The following TBC1D19 variants were observed in gnomAD, a reference collection of about 807,000 sequenced individuals.
TBC1D19 encodes the protein TBC1 domain family, member 19.
In TBC1D19, 60 loss-of-function variants were observed where a neutral mutation model predicts 89.0. That is an observed-to-expected ratio of 0.67 (90% CI 0.55 to 0.84). TBC1D19 has a LOEUF of 0.84. Ranked by LOEUF, TBC1D19 falls within the 40% of genes least tolerant of loss-of-function variation. The pLI is 0.00. For missense variants in TBC1D19, 500 were observed against 610.8 expected (o/e 0.82, Z 1.91); for synonymous variants, 189 against 199.7 (o/e 0.95, Z 0.45).
chr4:26,741,717 T>C (rs1718389292), intron 17 of TBC1D19, among the ~76,000 whole-genome samples: 1 of 151,880 alleles, frequency 6.6e-6, no homozygotes, highest in Non-Finnish European at 1.5e-5. Context: ...TTTGGAACCA[T>C]GACAGTCTTT....
intron 13 of TBC1D19, among the ~76,000 whole-genome samples, chr4:26,703,833 C>T (rs1037185714): frequency 2.3e-4 from 35 of 151,156 alleles, no homozygotes; most frequent in African/African-American, 6.8e-4. Context: ...TGGTGGCGGG[C>T]GCCTGTAGTC....
At chr4:26,804,928 G>A in the TBC1D19 span, among the ~76,000 whole-genome samples, 2 of 152,180 alleles carry the variant, frequency 1.3e-5, no homozygotes, top group Non-Finnish European at 2.9e-5. Flanking sequence ...AGGAGCAAGC[G>A]GAACATGGCT....
At chr4:26,588,168 G>A (rs1029962616) in intron 1 of TBC1D19, among the ~76,000 whole-genome samples, 94 of 151,858 alleles carry the variant, frequency 6.2e-4, no homozygotes, top group Non-Finnish European at 1.3e-4. Context: ...TGGGACTACA[G>A]GCGCCTGCCA....
the TBC1D19 span, among the ~76,000 whole-genome samples, chr4:26,790,051 G>A: frequency 6.6e-6 from 1 of 152,092 alleles, no homozygotes; most frequent in East Asian, 1.9e-4. Flanking sequence ...GTGGAAGGAG[G>A]GTGAGGAATG....
At chr4:26,842,309 C>T in the TBC1D19 span, among the ~76,000 whole-genome samples, 88 of 149,880 alleles carry the variant, frequency 5.9e-4, no homozygotes, top group South Asian at 4.6e-3. Context: ...CTTTACATTT[C>T]CTTGTTTTCC....
intron 13 of TBC1D19, among the ~76,000 whole-genome samples, chr4:26,711,276 T>C (rs1001143735): frequency 1.3e-5 from 2 of 152,110 alleles, no homozygotes; most frequent in African/African-American, 4.8e-5. Flanking sequence ...ATTTATTAAA[T>C]AGGGAATCCT....
At chr4:26,834,711 A>T in the TBC1D19 span, among the ~76,000 whole-genome samples, 2 of 151,908 alleles carry the variant, frequency 1.3e-5, no homozygotes, top group Non-Finnish European at 2.9e-5. Flanking sequence ...TCTTCATAGG[A>T]TTCTCTCCTC....
At chr4:26,849,923 A>G in the TBC1D19 span, among the ~76,000 whole-genome samples, 1 of 152,100 alleles carries the variant, frequency 6.6e-6, no homozygotes, top group Non-Finnish European at 1.5e-5. Context: ...TTTTTTAGGG[A>G]TTGTACTTAG....
intron 15 of TBC1D19, among the ~76,000 whole-genome samples, chr4:26,725,928 A>T (rs1717282865): frequency 6.6e-6 from 1 of 152,204 alleles, no homozygotes; most frequent in Admixed American, 6.5e-5. Flanking sequence ...AGGAATAAGA[A>T]TAGAAGCAAG....
the TBC1D19 span, among the ~76,000 whole-genome samples, chr4:26,777,199 A>G: frequency 6.8e-6 from 1 of 147,146 alleles, no homozygotes; most frequent in South Asian, 2.1e-4. Flanking sequence ...CAATGGTGCA[A>G]TCTTGGCTCA....
intron 6 of TBC1D19, among the ~76,000 whole-genome samples, 172 bp from the exon 7 acceptor site, chr4:26,639,968 GA>G (rs964017899): frequency 6.6e-6 from 1 of 152,154 alleles, no homozygotes; most frequent in African/African-American, 2.4e-5. Context: ...GTTAAGGGCA[GA>G]AATTGTCTTT....
intron 18 of TBC1D19, among the ~76,000 whole-genome samples, chr4:26,743,336 A>G (rs1718476414): frequency 6.6e-6 from 1 of 152,064 alleles, no homozygotes; most frequent in Non-Finnish European, 1.5e-5. Context: ...ATAGTATAGC[A>G]TTTGTCTTCT....
At chr4:26,835,900 CTTCTT>C in the TBC1D19 span, among the ~76,000 whole-genome samples, 1 of 152,040 alleles carries the variant, frequency 6.6e-6, no homozygotes, top group East Asian at 1.9e-4. Flanking sequence ...TCCCCATTCT[CTTCTT>C]TCCTGTTCTC....
chr4:26,718,315 G>C (rs201098380), intron 14 of TBC1D19, among the ~76,000 whole-genome samples: 1 of 68,092 alleles, frequency 1.5e-5, no homozygotes, highest in African/African-American at 4.9e-5. Context: ...TTCTTTCTAA[G>C]TTTATAACAC....
chr4:26,579,742 G>A (rs944175120), upstream of TBC1D19, among the ~76,000 whole-genome samples: 3 of 149,150 alleles, frequency 2.0e-5, no homozygotes, highest in Non-Finnish European at 4.4e-5. Flanking sequence ...TCCCGCTTAT[G>A]AGTAAGAACA....
chr4:26,700,301 T>A (rs1391812177), intron 13 of TBC1D19, among the ~76,000 whole-genome samples: 2 of 152,066 alleles, frequency 1.3e-5, no homozygotes, highest in Non-Finnish European at 2.9e-5. Flanking sequence ...ACCACAGATA[T>A]CCATACCCAG....
rs184325281 is a variant in TBC1D19, at chr4:26,679,904, G to T, written c.817-3771G>T. On this transcript the variant is annotated intron_variant, in intron 11 of 20. Coordinates refer to ENST00000264866, the MANE Select transcript of TBC1D19 (RefSeq NM_018317.4). ...GGGCCAGGGTAGAATGATATCATTT[G>T]GTTGTGTCCCCATCCAAATCTCATC... is the stretch of plus-strand genomic sequence containing the variant. Among the ~76,000 whole-genome samples, 31 of 152,326 alleles carry T rather than the reference G, an allele frequency of 2.0e-4. No individual in the cohort carries two copies. The East Asian group carries it at 5.2e-3, about 26-fold the overall frequency.
At chr4:26,617,041 C>G (rs929723349) in intron 3 of TBC1D19, among the ~76,000 whole-genome samples, 12 of 152,162 alleles carry the variant, frequency 7.9e-5, no homozygotes, top group Non-Finnish European at 1.8e-4. Context: ...TTTAGTTTGT[C>G]TGGTGATGCT....
At chr4:26,770,768 TG>T in the TBC1D19 span, among the ~76,000 whole-genome samples, 1 of 152,118 alleles carries the variant, frequency 6.6e-6, no homozygotes, top group Non-Finnish European at 1.5e-5. Flanking sequence ...ATATAAAGTA[TG>T]TGCTGTGATT....
Sources: allele counts gnomAD v4.1 joint callset (sites outside exome capture counted in the v4.1 genomes callset), GRCh38; gene constraint gnomAD v4.1.1; transcripts MANE v1.5; gene names NCBI Gene and HGNC (gene_info 2026-07-23, HGNC 2026-07-21).